Variants in CCDC82 observed in about 807,000 individuals in gnomAD.
The protein encoded by CCDC82 is coiled-coil domain-containing protein 82.
Under a neutral mutation model 60.6 loss-of-function variants are expected in CCDC82, and 47 were observed. The observed-to-expected ratio is 0.77, with a 90% CI of 0.61 to 0.99. CCDC82 has a LOEUF of 0.99. CCDC82 is among the 50% of genes least tolerant of loss of function. The pLI is 0.00. For synonymous variants in CCDC82, 212 were observed against 207.4 expected (o/e 1.02, Z -0.19); for missense variants, 588 against 633.0 (o/e 0.93, Z 0.76).
chr11:96,354,007 C>A (rs190839404), intron 9 of CCDC82: 150 of 219,940 alleles, frequency 6.8e-4, no homozygotes, highest in Middle Eastern at 1.7e-3. Flanking sequence ...AATGTAGTAA[C>A]CTCAATAACT....
At chr11:96,388,783 G>A (rs1054428766) in intron 1 of CCDC82, 1 of 152,192 alleles carries the variant, frequency 6.6e-6, no homozygotes, top group African/African-American at 2.4e-5. Context: ...ATTCTACCAG[G>A]AGGGATCCAT....
chr11:96,383,651 A>T (rs1420033883), intron 4 of CCDC82, among the ~76,000 whole-genome samples, 178 bp from the exon 5 acceptor site: 2 of 152,008 alleles, frequency 1.3e-5, no homozygotes, highest in Non-Finnish European at 2.9e-5. Context: ...GAAATTATTA[A>T]GAAGAATATA....
chr11:96,380,839 T>G (rs1024935210), intron 5 of CCDC82: 1 of 151,538 alleles, frequency 6.6e-6, no homozygotes, highest in African/African-American at 2.4e-5. Flanking sequence ...GAAAGGAGAA[T>G]GAATTAAAGC....
chr11:96,363,007 G>A (rs1864747999), intron 8 of CCDC82: 1 of 151,470 alleles, frequency 6.6e-6, no homozygotes, highest in African/African-American at 2.4e-5. Context: ...CTGTCGCCCA[G>A]GCTGGAGTGC....
At chr11:96,383,925 T>G (rs187190772) in intron 4 of CCDC82, 37 bp downstream of exon 4, 1 of 1,541,888 alleles carries the variant, frequency 6.5e-7, no homozygotes, top group African/African-American at 1.4e-5. Flanking sequence ...AGAAAAAAAC[T>G]GAAAAACAAT....
At position 96,384,144 on chromosome 11, in the gene CCDC82, C is replaced by G. The variant is rs1866044087; in HGVS notation, c.604G>C (p.Val202Leu). The G allele has an allele frequency of 6.2e-7, 1 of 1,613,676 alleles. No homozygotes were observed. Among genetic ancestry groups the G allele is most frequent in the Non-Finnish European group, 8.5e-7 (1 of 1,179,738 alleles). The stretch of plus-strand genomic sequence containing the variant: ...GGACGTTTAACACCTACTTTTCTAA[C>G]TAGGATATCGCTGTCATCACTCTCA... The part of the protein sequence containing the change: ...SDESDDSDIL[V>L]RKVGVKRPRR... The change falls in exon 4 of 10, where the codon GTT becomes CTT. Residue 202 changes from valine (V) to leucine (L), a missense_variant. Transcript: ENST00000646818.
At chr11:96,363,464 C>CTTAA (rs1864779735) in intron 8 of CCDC82, 1 of 152,192 alleles carries the variant, frequency 6.6e-6, no homozygotes, top group Non-Finnish European at 1.5e-5. Flanking sequence ...CAATAACTAA[C>CTTAA]TTAACGTTTA....
chr11:96,382,008 G>A (rs1009098922), intron 5 of CCDC82: 2 of 151,770 alleles, frequency 1.3e-5, no homozygotes. Flanking sequence ...CCTCGTTGAA[G>A]CAGTAAAACT....
chr11:96,370,877 G>T, intron 7 of CCDC82, 136 bp downstream of exon 7: 2 of 675,398 alleles, frequency 3.0e-6, no homozygotes, highest in Non-Finnish European at 2.2e-6. Context: ...ACTTTTAGAA[G>T]ATGTGAGAAA....
At chr11:96,368,231 A>C (rs766603232) in intron 7 of CCDC82, among the ~76,000 whole-genome samples, 2 of 152,138 alleles carry the variant, frequency 1.3e-5, no homozygotes, top group Non-Finnish European at 2.9e-5. Flanking sequence ...CTCCTTGTAA[A>C]TCTCCATCAG....
rs535801998 is a variant in CCDC82, at chr11:96,356,447, A to G, written c.1566+2546T>C. 2.4e-5 allele frequency: 24 copies of G among 985,396 alleles called. No individual in the cohort carries two copies. In the South Asian group the frequency reaches 1.0e-3, roughly 42 times the overall value. The allele number at this position is 985,396 out of a possible 1,614,324, so 61.0% of individuals were successfully genotyped here. A position where few individuals can be genotyped will look rare whatever the true frequency, so the allele number is the denominator to read the frequency against. On this transcript the variant is annotated intron_variant, in intron 9 of 9. Coordinates refer to ENST00000646818, the MANE Select transcript of CCDC82 (RefSeq NM_024725.4). ...TTTACAGTATGAATGGGCATCTGAT[A>G]CTTCTATTGACATGCTTTCTTTACT...
Position 96,384,743 on chromosome 11 carries a change from A to G in CCDC82, c.5T>C (p.Ile2Thr), listed in dbSNP as rs1866097443. The G allele has an allele frequency of 3.2e-6, 5 of 1,586,730 alleles. No homozygotes were observed. Among genetic ancestry groups the G allele is most frequent in the East Asian group, 2.2e-5 (1 of 44,746 alleles). M[I>T]HVRRHETRRN... ...CCTTGTTTCATGTCTTCTAACATGT[A>G]TCATTTTCACTTAAGCTTCTATAAA... is the stretch of plus-strand genomic sequence containing the variant. The change falls in exon 4 of 10, where the codon ATA (isoleucine) becomes ACA (threonine). Residue 2 changes from isoleucine (I) to threonine (T), a missense_variant. Transcript: ENST00000646818.
chr11:96,386,422 A>ATG (rs1866198349), intron 2 of CCDC82, 129 bp from the exon 3 acceptor site: 1 of 152,238 alleles, frequency 6.6e-6, no homozygotes, highest in African/African-American at 2.4e-5. Flanking sequence ...TGCCAAAATT[A>ATG]TACAGCAGAA....
At chr11:96,374,598 T>C (rs569173855) in intron 5 of CCDC82, among the ~76,000 whole-genome samples, 1 of 152,290 alleles carries the variant, frequency 6.6e-6, no homozygotes, top group East Asian at 1.9e-4. Flanking sequence ...ATGAATATAA[T>C]ATTTTCTTAA....
At position 96,383,925 on chromosome 11, in the gene CCDC82, T is replaced by A. The variant is rs187190772; in HGVS notation, c.786+37A>T. The A allele has an allele frequency of 5.2e-6, 8 of 1,542,006 alleles. No individual in the cohort carries two copies. In the East Asian group the frequency reaches 1.8e-4, roughly 35 times the overall value. On this transcript the variant is annotated intron_variant, in intron 4 of 9. Coordinates refer to ENST00000646818, the MANE Select transcript of CCDC82 (RefSeq NM_024725.4). Reference sequence around the variant, plus strand: ...AAATTAAATACTTTAAGAAAAAAACTGAAAAACAATAACAAATCCAACAAA... The same window carrying A: ...AAATTAAATACTTTAAGAAAAAAACAGAAAAACAATAACAAATCCAACAAA...
At chr11:96,382,979 T>G in intron 5 of CCDC82, 1 of 254,948 alleles carries the variant, frequency 3.9e-6, no homozygotes, top group Non-Finnish European at 7.3e-6. Context: ...TAAGGATTAT[T>G]TTAAATGAAT....
chr11:96,379,106 C>T (rs1331690588), intron 5 of CCDC82, among the ~76,000 whole-genome samples: 1 of 151,884 alleles, frequency 6.6e-6, no homozygotes, highest in Non-Finnish European at 1.5e-5. Context: ...GAGAATGAAT[C>T]TGGGAATACT....
rs1203795973 is a variant in CCDC82, at chr11:96,352,952, C to T, written c.*694G>A. The T allele has an allele frequency of 6.6e-6, 1 of 152,050 alleles. No individual in the cohort carries two copies. The highest frequency in any genetic ancestry group is 1.5e-5 in the Non-Finnish European group (1 of 68,010). The allele number at this position is 152,050 out of a possible 1,614,324, so 9.4% of individuals were successfully genotyped here. On this transcript the variant is annotated 3_prime_UTR_variant, in exon 10 of 10. Transcript: ENST00000646818. ...ATGGATAAAAATAAATAAAATACAT[C>T]TTAATCATCAATATATAGACAAAAT...
Position 96,363,272 on chromosome 11 carries a change from G to A in CCDC82, c.1380+1708C>T, listed in dbSNP as rs1416954363. ...CCCGGCCAAGCACAATCTTTTTAAT[G>A]CTCTGGATCATAACTAGGTTTATTT... is the stretch of plus-strand genomic sequence containing the variant. On this transcript the variant is annotated intron_variant, in intron 8 of 9. Coordinates refer to ENST00000646818, the MANE Select transcript of CCDC82 (RefSeq NM_024725.4). 5 of 152,042 alleles carry A rather than the reference G, an allele frequency of 3.3e-5. No homozygotes were observed. The East Asian group carries it at 9.6e-4, about 29-fold the overall frequency. The allele number at this position is 152,042 out of a possible 1,614,324, so 9.4% of individuals were successfully genotyped here. A position where few individuals can be genotyped will look rare whatever the true frequency, so the allele number is the denominator to read the frequency against.
Sources: gnomAD v4.1 joint callset for allele counts (sites outside exome capture counted in the v4.1 genomes callset) on GRCh38, gnomAD v4.1.1 for gene constraint, MANE v1.5 for transcripts, NCBI Gene and HGNC (gene_info 2026-07-23, HGNC 2026-07-21) for gene names.